Variants in HRH2 observed in about 807,000 individuals in gnomAD.
HRH2 encodes histamine receptor H2, also known as histamine H2 receptor.
Under a neutral mutation model 20.1 loss-of-function variants are expected in HRH2, and 4 were observed. The observed-to-expected ratio is 0.20, with a 90% CI of 0.10 to 0.45. The LOEUF is 0.45. Ranked by LOEUF, HRH2 falls within the 20% of genes least tolerant of loss-of-function variation. The pLI, the probability that HRH2 is intolerant of heterozygous loss-of-function variation, is 0.99. For missense variants in HRH2, 250 were observed against 461.6 expected (o/e 0.54, Z 4.20); for synonymous variants, 197 against 200.7 (o/e 0.98, Z 0.16).
rs909613175 is a variant in HRH2 at position 175,683,766 on chromosome 5, T to G, written c.533T>G (p.Val178Gly). Residue 178 changes from valine to glycine, a missense_variant, in exon 2 of 3, where the codon GTC becomes GGC. Physicochemically the swap from Val to Gly is moderately radical, Grantham distance 109. Coordinates refer to ENST00000636584, the MANE Select transcript of HRH2 (RefSeq NM_001367711.1). Reference protein sequence around the residue: ...NHTTSKCKVQVNEVYGLVDGL... With the variant: ...NHTTSKCKVQGNEVYGLVDGL... The stretch of plus-strand genomic sequence containing the variant: ...ACCACCTCTAAGTGCAAAGTCCAGG[T>G]CAATGAAGTGTACGGGCTGGTGGAT... 1 of 1,613,962 alleles carries G rather than the reference T, an allele frequency of 6.2e-7. No homozygotes were observed. The highest frequency in any genetic ancestry group is 1.3e-5 in the African/African-American group (1 of 74,850).
At chr5:175,662,731 A>G (rs541862620) in intron 1 of HRH2, among the ~76,000 whole-genome samples, 32 of 152,348 alleles carry the variant, frequency 2.1e-4, no homozygotes, top group African/African-American at 7.5e-4. Context: ...TTTTTAGGAT[A>G]TTCACACAGA....
At chr5:175,698,898 C>A (rs776376339) in intron 2 of HRH2, among the ~76,000 whole-genome samples, 1 of 152,222 alleles carries the variant, frequency 6.6e-6, no homozygotes, top group Non-Finnish European at 1.5e-5. Flanking sequence ...GGAGTCTCCC[C>A]GGCCTGCTCA....
intron 1 of HRH2, among the ~76,000 whole-genome samples, chr5:175,658,708 C>T (rs1484678298): frequency 6.7e-6 from 1 of 148,580 alleles, no homozygotes; most frequent in Non-Finnish European, 1.5e-5. Context: ...CTGCCGCCCG[C>T]TGCCGGATGA....
chr5:175,695,515 C>T (rs1046792647), intron 2 of HRH2, among the ~76,000 whole-genome samples: 1 of 152,160 alleles, frequency 6.6e-6, no homozygotes, highest in Non-Finnish European at 1.5e-5. Flanking sequence ...CATCTTCATG[C>T]AGGGAACACT....
At chr5:175,705,887 T>C (rs1756930195) in intron 2 of HRH2, among the ~76,000 whole-genome samples, 1 of 152,170 alleles carries the variant, frequency 6.6e-6, no homozygotes, top group African/African-American at 2.4e-5. Flanking sequence ...TTTTGCCATG[T>C]TGCCCAGTCT....
At chr5:175,667,809 G>A (rs77615033) in intron 1 of HRH2, among the ~76,000 whole-genome samples, 60 of 152,180 alleles carry the variant, frequency 3.9e-4, no homozygotes, top group East Asian at 3.1e-3. Context: ...GCCTATTGTC[G>A]AGAATACAGT....
Position 175,709,034 on chromosome 5 carries a change from C to T in HRH2, c.*1063C>T, listed in dbSNP as rs972579326. 1 of 152,094 alleles carries T rather than the reference C, an allele frequency of 6.6e-6. No homozygotes were observed. The highest frequency in any genetic ancestry group is 2.4e-5 in the African/African-American group (1 of 41,386). 9.4% of individuals were successfully genotyped at this position (152,094 alleles called of 1,614,324 possible). A position where few individuals can be genotyped will look rare whatever the true frequency, so the allele number is the denominator to read the frequency against. The stretch of plus-strand genomic sequence containing the variant: ...TCCCCTGTCCAAGAGGGTAGGCCCC[C>T]TGTTCCTATTTACAGGATCCATAAA... On this transcript the variant is annotated 3_prime_UTR_variant, in exon 3 of 3. Coordinates refer to ENST00000636584, the MANE Select transcript of HRH2 (RefSeq NM_001367711.1).
chr5:175,673,181 G>A (rs902692664), intron 1 of HRH2, among the ~76,000 whole-genome samples: 3 of 152,152 alleles, frequency 2.0e-5, no homozygotes, highest in Non-Finnish European at 4.4e-5. Context: ...GCAAGAGAGG[G>A]TGATGGCTCG....
intron 1 of HRH2, among the ~76,000 whole-genome samples, chr5:175,665,243 G>T (rs11957436): frequency 0.095 from 14,449 of 152,220 alleles, 1,342 homozygotes; most frequent in African/African-American, 0.23. Context: ...GCCTCCCGGG[G>T]TTCCTGCTAC....
At chr5:175,675,998 G>C (rs372879266) in intron 1 of HRH2, among the ~76,000 whole-genome samples, 5 of 152,088 alleles carry the variant, frequency 3.3e-5, no homozygotes, top group African/African-American at 9.7e-5. Context: ...GTAGATGCGT[G>C]GGTACGCACA....
At chr5:175,692,186 C>T (rs1581449764) in intron 2 of HRH2, among the ~76,000 whole-genome samples, 1 of 152,236 alleles carries the variant, frequency 6.6e-6, no homozygotes, top group South Asian at 2.1e-4. Context: ...AGTGCTGCAA[C>T]TCTGCCCTTG....
At chr5:175,680,950 GGGAGA>G (rs1755943260) in intron 1 of HRH2, among the ~76,000 whole-genome samples, 1 of 152,064 alleles carries the variant, frequency 6.6e-6, no homozygotes, top group Non-Finnish European at 1.5e-5. Flanking sequence ...AAGGAGGGGC[GGGAGA>G]GGAGAGAAGG....
intron 1 of HRH2, among the ~76,000 whole-genome samples, chr5:175,664,218 T>G (rs1263936432): frequency 6.6e-6 from 1 of 152,220 alleles, no homozygotes; most frequent in Non-Finnish European, 1.5e-5. Context: ...GCTCTAGAAT[T>G]GCCCATTTTT....
At chr5:175,661,169 C>T (rs1762727274) in intron 1 of HRH2, among the ~76,000 whole-genome samples, 2 of 152,146 alleles carry the variant, frequency 1.3e-5, no homozygotes, top group African/African-American at 4.8e-5. Flanking sequence ...CCCCATCCTA[C>T]TCATCCTTCA....
intron 2 of HRH2, among the ~76,000 whole-genome samples, chr5:175,694,415 T>C (rs1006764190): frequency 2.2e-4 from 34 of 152,150 alleles, no homozygotes; most frequent in African/African-American, 7.0e-4. Flanking sequence ...CTTGTCAGCT[T>C]CTCTATCCAT....
At chr5:175,692,287 C>T (rs1003808305) in intron 2 of HRH2, among the ~76,000 whole-genome samples, 2 of 152,204 alleles carry the variant, frequency 1.3e-5, no homozygotes, top group African/African-American at 4.8e-5. Context: ...AAAATTTGAG[C>T]GGCATATCAT....
intron 2 of HRH2, among the ~76,000 whole-genome samples, chr5:175,690,384 C>T (rs188045600): frequency 2.0e-5 from 3 of 152,302 alleles, no homozygotes; most frequent in African/African-American, 7.2e-5. Context: ...AGCTTCCTTA[C>T]TGTAAAATGC....
intron 1 of HRH2, among the ~76,000 whole-genome samples, chr5:175,680,036 T>TTTTG (rs774363776): frequency 2.0e-5 from 3 of 152,216 alleles, no homozygotes; most frequent in Non-Finnish European, 4.4e-5. Flanking sequence ...TTCAGTGATA[T>TTTTG]TTTGTTTACT....
rs1169826713 is a variant in HRH2 at position 175,707,893 on chromosome 5, G to GGGGGAGCCACTGTCT, written c.1193_1207dup (p.Gly398_Ser402dup). 5.5e-5 allele frequency: 22 copies of GGGGGAGCCACTGTCT among 399,094 alleles called. No individual in the cohort carries two copies. The Admixed American group carries it at 9.7e-4, about 18-fold the overall frequency. The allele number at this position is 399,094 out of a possible 1,614,324, so 24.7% of individuals were successfully genotyped here. On this transcript the variant is annotated inframe_insertion, in exon 3 of 3. Transcript: ENST00000636584. Reference sequence around the variant, plus strand: ...TGGGAGGCCCCTCGGAGGAGCTATCGGGGGAGCCACTGTCTGAGGAGCCAC... The same window carrying GGGGGAGCCACTGTCT: ...TGGGAGGCCCCTCGGAGGAGCTATCGGGGGAGCCACTGTCTGGGGAGCCACTGTCTGAGGAGCCAC...
Sources: gnomAD v4.1 joint callset for allele counts (sites outside exome capture counted in the v4.1 genomes callset) on GRCh38, gnomAD v4.1.1 for gene constraint, MANE v1.5 for transcripts, NCBI Gene and HGNC (gene_info 2026-07-23, HGNC 2026-07-21) for gene names.